MON2: variants seen among roughly 807,000 people sequenced by gnomAD.
MON2 encodes the protein MON2 regulator of endosome-to-Golgi trafficking.
A neutral mutation model predicts 208.6 loss-of-function variants in MON2; 84 were observed. The observed-to-expected ratio is 0.40, with a 90% CI of 0.34 to 0.48. The LOEUF (loss-of-function observed/expected upper bound fraction) is 0.48. Among genes scored for constraint, MON2 ranks in the 20% least tolerant of loss-of-function variants. MON2 has a pLI of 0.59. For synonymous variants in MON2, 660 were observed against 694.0 expected, an observed-to-expected ratio of 0.95 and a Z score of 0.77; for missense variants, 1,611 against 2,015.4, an observed-to-expected ratio of 0.80 and a Z score of 3.84.
intron 9 of MON2, 137 bp from the exon 10 acceptor site, chr12:62,524,947 A>C: frequency 1.2e-6 from 1 of 828,412 alleles, no homozygotes; most frequent in South Asian, 2.1e-5. Context: ...CTAAATTGGT[A>C]AAATTACTGA....
chr12:62,545,253 C>T (rs558574903), intron 21 of MON2, among the ~76,000 whole-genome samples: 57 of 151,678 alleles, frequency 3.8e-4, no homozygotes, highest in Non-Finnish European at 6.8e-4. Context: ...ATTGGTCTCA[C>T]GTTCATAAGT....
At chr12:62,508,833 A>G (rs923234254) in intron 8 of MON2, 2 of 186,980 alleles carry the variant, frequency 1.1e-5, no homozygotes, top group African/African-American at 2.4e-5. Flanking sequence ...ACTGTTTCAT[A>G]TGTCTTAACA....
chr12:62,504,306 A>C (rs1020789507), intron 7 of MON2, among the ~76,000 whole-genome samples: 1 of 141,352 alleles, frequency 7.1e-6, no homozygotes, highest in Admixed American at 7.6e-5. Context: ...GTGCAGTCGC[A>C]TGATCTCGGC....
intron 14 of MON2, among the ~76,000 whole-genome samples, 175 bp downstream of exon 14, chr12:62,535,884 G>T (rs185245565): frequency 0.017 from 2,021 of 117,410 alleles, 29 homozygotes; most frequent in Middle Eastern, 0.062. Context: ...TGGGGGGTGG[G>T]CATGGGATAT....
intron 4 of MON2, among the ~76,000 whole-genome samples, chr12:62,496,320 G>A (rs1253450804): frequency 6.6e-6 from 1 of 151,946 alleles, no homozygotes; most frequent in Non-Finnish European, 1.5e-5. Context: ...ATCTACTAAA[G>A]AAATAAGAAC....
Position 62,578,425 on chromosome 12 carries a change from C to A in MON2, c.4515-20C>A. 3 of 1,260,186 alleles carry A rather than the reference C, an allele frequency of 2.4e-6. No homozygotes were observed. The highest frequency in any genetic ancestry group is 2.8e-5 in the South Asian group (2 of 71,318). 78.1% of individuals were successfully genotyped at this position (1,260,186 alleles called of 1,614,324 possible). On this transcript the variant is annotated intron_variant, in intron 30 of 34. Coordinates refer to ENST00000393630, the MANE Select transcript of MON2 (RefSeq NM_015026.3). Reference sequence around the variant, plus strand: ...CAGGGAATATTTTATCTTTAAAAATCAAGTGTTTTTTTTTTTTAGCATACC... The same window carrying A: ...CAGGGAATATTTTATCTTTAAAAATAAAGTGTTTTTTTTTTTTAGCATACC...
chr12:62,565,251 AC>A lies in MON2; in HGVS notation c.4049del (p.Pro1350GlnfsTer6). 1 of 1,612,496 alleles carries A rather than the reference AC, an allele frequency of 6.2e-7. No homozygotes were observed. Among genetic ancestry groups the A allele is most frequent in the Non-Finnish European group, 8.5e-7 (1 of 1,179,190 alleles). ...DVLQKAICVG[P>X]ENMQIMYPAI... ...TGCTTTTATAGGCCATTTGTGTAGG[AC>A]CAGAAAACATGCAGATAATGTATCC... is the stretch of plus-strand genomic sequence containing the variant. On this transcript the variant is annotated frameshift_variant, in exon 27 of 35. Coordinates refer to ENST00000393630, the MANE Select transcript of MON2 (RefSeq NM_015026.3). LOFTEE classifies it high-confidence loss of function.
chr12:62,569,938 GT>G (rs1395531212), intron 29 of MON2, among the ~76,000 whole-genome samples: 1 of 152,140 alleles, frequency 6.6e-6, no homozygotes, highest in African/African-American at 2.4e-5. Flanking sequence ...TTGGTTTTAT[GT>G]CCTTGAAATA....
chr12:62,591,265 CAG>C (rs570743580), intron 34 of MON2, among the ~76,000 whole-genome samples: 167 of 152,250 alleles, frequency 1.1e-3, no homozygotes, highest in African/African-American at 3.7e-3. Context: ...CATATTAAAA[CAG>C]AGAAAAGCAG....
At chr12:62,490,025 T>C (rs2070028684) in intron 2 of MON2, 2 of 1,200,710 alleles carry the variant, frequency 1.7e-6, no homozygotes, top group South Asian at 2.7e-5. Flanking sequence ...AGTTTAATTC[T>C]TTTTTTCCAG....
intron 19 of MON2, among the ~76,000 whole-genome samples, chr12:62,540,915 A>G (rs909857106): frequency 6.6e-6 from 1 of 152,244 alleles, no homozygotes; most frequent in Non-Finnish European, 1.5e-5. Flanking sequence ...AAGTTTCTAT[A>G]TTATTGAAAA....
chr12:62,556,306 T>C, intron 25 of MON2, 114 bp downstream of exon 25: 1 of 1,001,774 alleles, frequency 1.0e-6, no homozygotes, highest in Non-Finnish European at 1.5e-6. Flanking sequence ...GTGGTGTGTG[T>C]GTAAGCATCT....
At chr12:62,586,919 T>C (rs1352157059) in intron 33 of MON2, among the ~76,000 whole-genome samples, 1 of 152,242 alleles carries the variant, frequency 6.6e-6, no homozygotes, top group African/African-American at 2.4e-5. Context: ...ATTGTATCAT[T>C]CTGTGTTTGT....
chr12:62,468,061 C>T (rs2068600304), intron 1 of MON2, among the ~76,000 whole-genome samples: 3 of 151,090 alleles, frequency 2.0e-5, no homozygotes, highest in Non-Finnish European at 2.9e-5. Context: ...GTAAATAATA[C>T]ATGGAAATTT....
chr12:62,557,331 G>A lies in MON2; in HGVS notation c.3409+1139G>A, dbSNP rs142238774. Among the ~76,000 whole-genome samples the A allele has an allele frequency of 2.6e-3, 398 of 152,274 alleles. 4 individuals are homozygous for A. The highest frequency in any genetic ancestry group is 9.0e-3 in the African/African-American group (374 of 41,554). On this transcript the variant is annotated intron_variant, in intron 25 of 34. Coordinates refer to ENST00000393630, the MANE Select transcript of MON2 (RefSeq NM_015026.3). ...CCTATTATACTCCCATAAGACATTT[G>A]GCAATTTTGGAGACATTTTTAGTTG...
rs533882650 is a variant in MON2 at position 62,596,628 on chromosome 12, A to T, written c.*3879A>T. 6.6e-6 allele frequency: 1 copy of T among 152,280 alleles called. No homozygotes were observed. Among genetic ancestry groups the T allele is most frequent in the East Asian group, 1.9e-4 (1 of 5,184 alleles). The allele number at this position is 152,280 out of a possible 1,614,324, so 9.4% of individuals were successfully genotyped here. On this transcript the variant is annotated 3_prime_UTR_variant, in exon 35 of 35. Coordinates refer to ENST00000393630, the MANE Select transcript of MON2 (RefSeq NM_015026.3). ...CATTATTAGAGGGAATTTTTATTTT[A>T]AAAAAATTGTCATTCATGAGAAGAA...
intron 32 of MON2, 54 bp downstream of exon 32, chr12:62,580,474 G>C (rs572129903): frequency 7.6e-6 from 11 of 1,452,854 alleles, no homozygotes; most frequent in South Asian, 3.6e-5. Context: ...TGAAGAAACT[G>C]TCAGTAGAAA....
intron 12 of MON2, among the ~76,000 whole-genome samples, chr12:62,533,102 C>G (rs2072736217): frequency 6.6e-6 from 1 of 152,112 alleles, no homozygotes; most frequent in African/African-American, 2.4e-5. Flanking sequence ...TTTATATGAC[C>G]TTACTTTTTT....
Position 62,576,881 on chromosome 12 carries a change from G to A in MON2, c.4515-1564G>A, listed in dbSNP as rs892503646. On this transcript the variant is annotated intron_variant, in intron 30 of 34. Coordinates refer to ENST00000393630, the MANE Select transcript of MON2 (RefSeq NM_015026.3). ...TCCAAATAATATTAATATTATTAAT[G>A]TGTTGAAATAAACACACTAATACAC... 6.6e-5 allele frequency among the ~76,000 whole-genome samples: 10 copies of A among 151,792 alleles called. 1 individual carries two copies. The highest frequency in any genetic ancestry group is 2.4e-4 in the African/African-American group (10 of 41,442).
Sources: gnomAD v4.1 joint callset for allele counts (sites outside exome capture counted in the v4.1 genomes callset) on GRCh38, gnomAD v4.1.1 for gene constraint, MANE v1.5 for transcripts, NCBI Gene and HGNC (gene_info 2026-07-23, HGNC 2026-07-21) for gene names.